The following RERE variants were observed in gnomAD, a reference collection of about 807,000 sequenced individuals.
RERE encodes the protein arginine-glutamic acid dipeptide repeats.
A neutral mutation model predicts 146.1 loss-of-function variants in RERE; 40 were observed. That is an observed-to-expected ratio of 0.27 (90% CI 0.21 to 0.36). RERE has a LOEUF of 0.36. Among genes scored for constraint, RERE ranks in the 10% least tolerant of loss-of-function variants. RERE has a pLI of 1.00. For missense variants in RERE, 1,933 were observed against 2,138.7 expected, an observed-to-expected ratio of 0.90 and a Z score of 1.90; for synonymous variants, 1,003 against 866.0, an observed-to-expected ratio of 1.16 and a Z score of -2.78.
At chr1:8,459,524 A>G (rs1644499294) in intron 11 of RERE, among the ~76,000 whole-genome samples, 1 of 152,252 alleles carries the variant, frequency 6.6e-6, no homozygotes, top group African/African-American at 2.4e-5. Context: ...CAAAGGTTCC[A>G]AATGAATTGT....
At chr1:8,804,055 G>A (rs1365928250) in intron 1 of RERE, among the ~76,000 whole-genome samples, 1 of 152,098 alleles carries the variant, frequency 6.6e-6, no homozygotes, top group African/African-American at 2.4e-5. Flanking sequence ...ATAGAAACAA[G>A]ATGTCTGCAC....
At chr1:8,462,709 G>A (rs1352529888) in intron 11 of RERE, among the ~76,000 whole-genome samples, 1 of 152,102 alleles carries the variant, frequency 6.6e-6, no homozygotes, top group Non-Finnish European at 1.5e-5. Flanking sequence ...TCAGACACTG[G>A]GTAGTTAGAA....
chr1:8,387,208 C>T (rs1189550128), intron 12 of RERE, among the ~76,000 whole-genome samples: 4 of 152,172 alleles, frequency 2.6e-5, no homozygotes, highest in African/African-American at 9.7e-5. Flanking sequence ...GCTGGCAACA[C>T]AAATCAGTGG....
At chr1:8,803,665 C>T (rs1487170207) in intron 1 of RERE, among the ~76,000 whole-genome samples, 2 of 151,786 alleles carry the variant, frequency 1.3e-5, no homozygotes, top group Non-Finnish European at 2.9e-5. Context: ...CAAGCTAAAT[C>T]AATTCTCCCC....
chr1:8,770,158 A>C (rs1242447107), intron 1 of RERE, among the ~76,000 whole-genome samples: 1 of 152,114 alleles, frequency 6.6e-6, no homozygotes, highest in Non-Finnish European at 1.5e-5. Flanking sequence ...AACAACTATC[A>C]CCAAAAGTTC....
chr1:8,683,979 C>A (rs1222901315), intron 1 of RERE, among the ~76,000 whole-genome samples: 2 of 152,164 alleles, frequency 1.3e-5, no homozygotes, highest in Admixed American at 6.5e-5. Flanking sequence ...CAGCTACCAA[C>A]TCCTTGGGGA....
chr1:8,630,984 T>C (rs975616125), intron 2 of RERE, among the ~76,000 whole-genome samples: 8 of 152,216 alleles, frequency 5.3e-5, no homozygotes, highest in African/African-American at 7.2e-5. Context: ...GATTCCCAAG[T>C]AGTGCTACAA....
chr1:8,768,048 A>T (rs1304198293), intron 1 of RERE, among the ~76,000 whole-genome samples: 3 of 152,188 alleles, frequency 2.0e-5, no homozygotes, highest in African/African-American at 7.2e-5. Context: ...GTGGACAGAT[A>T]CAGAAGGACC....
intron 4 of RERE, among the ~76,000 whole-genome samples, chr1:8,599,387 T>G (rs144147646): frequency 2.9e-3 from 443 of 152,314 alleles, no homozygotes; most frequent in African/African-American, 9.9e-3. Flanking sequence ...GTCAGGTCAA[T>G]GTACCACGCA....
intron 4 of RERE, among the ~76,000 whole-genome samples, chr1:8,573,908 C>T (rs1192778535): frequency 6.6e-6 from 1 of 152,124 alleles, no homozygotes; most frequent in Non-Finnish European, 1.5e-5. Context: ...TGGGCTCAAG[C>T]TCTCCTCCTA....
chr1:8,457,283 C>A (rs1301118558), intron 11 of RERE, among the ~76,000 whole-genome samples: 1 of 152,220 alleles, frequency 6.6e-6, no homozygotes, highest in Non-Finnish European at 1.5e-5. Flanking sequence ...AGGCCAATAT[C>A]AGGCACTGTC....
intron 1 of RERE, among the ~76,000 whole-genome samples, chr1:8,699,369 TAATG>T (rs2124435645): frequency 6.6e-6 from 1 of 152,336 alleles, no homozygotes; most frequent in East Asian, 1.9e-4. Flanking sequence ...CTGAATAAAT[TAATG>T]AATTACACCA....
At chr1:8,380,344 T>A (rs1368749896) in intron 12 of RERE, among the ~76,000 whole-genome samples, 1 of 145,130 alleles carries the variant, frequency 6.9e-6, no homozygotes, top group Non-Finnish European at 1.5e-5. Flanking sequence ...AACAGGCTTT[T>A]TTTTTTTTTT....
chr1:8,572,186 A>G (rs1020385589), intron 4 of RERE, among the ~76,000 whole-genome samples: 2 of 152,218 alleles, frequency 1.3e-5, no homozygotes, highest in Non-Finnish European at 2.9e-5. Context: ...TAGTTTTGAC[A>G]AATGTATAGA....
chr1:8,787,714 C>G (rs1641284105), intron 1 of RERE, among the ~76,000 whole-genome samples: 1 of 151,410 alleles, frequency 6.6e-6, no homozygotes, highest in Non-Finnish European at 1.5e-5. Flanking sequence ...GCCTGTAATC[C>G]CAGCTACTTG....
Position 8,361,255 on chromosome 1 carries a change from G to T in RERE, c.2252C>A (p.Pro751His). Residue 751 changes from proline to histidine, a missense_variant, in exon 18 of 23, where the codon CCC (proline) becomes CAC (histidine). Pro to His is a moderately conservative substitution (Grantham distance 77). This residue lies in a region of RERE where 1,255 missense variants were observed against 1,153.8 expected (regional missense o/e 1.09). Coordinates refer to ENST00000400908, the MANE Select transcript of RERE (RefSeq NM_001042681.2). Reference sequence around the variant, plus strand: ...AGGGGTCCCTGGAGGAGCTGAGGAGGGAGCTGGGGTGACCCCAGTGGGAGC... The same window carrying T: ...AGGGGTCCCTGGAGGAGCTGAGGAGTGAGCTGGGGTGACCCCAGTGGGAGC... ...LQAPTGVTPAPSSAPPGTPQL... is the reference protein window; with the variant it reads ...LQAPTGVTPAHSSAPPGTPQL... The T allele has an allele frequency of 6.4e-7, 1 of 1,570,402 alleles. No individual in the cohort carries two copies.
chr1:8,493,727 A>C (rs910126661), intron 10 of RERE, among the ~76,000 whole-genome samples: 26 of 152,164 alleles, frequency 1.7e-4, no homozygotes, highest in African/African-American at 6.3e-4. Flanking sequence ...AAAAAGAAAA[A>C]AGAAAAAGAA....
chr1:8,760,569 G>T (rs1430824602), intron 1 of RERE, among the ~76,000 whole-genome samples: 1 of 152,120 alleles, frequency 6.6e-6, no homozygotes, highest in Non-Finnish European at 1.5e-5. Context: ...CCAAGAACAG[G>T]TAACTGAATT....
intron 8 of RERE, among the ~76,000 whole-genome samples, chr1:8,504,476 C>T (rs1316390607): frequency 6.6e-6 from 1 of 152,160 alleles, no homozygotes; most frequent in African/African-American, 2.4e-5. Context: ...GGTGAAGTTT[C>T]ATTTATTTGT....
Sources: allele counts gnomAD v4.1 joint callset (sites outside exome capture counted in the v4.1 genomes callset), GRCh38; gene constraint gnomAD v4.1.1; regional missense constraint gnomAD v4.1.1; transcripts MANE v1.5; gene names NCBI Gene and HGNC (gene_info 2026-07-23, HGNC 2026-07-21).